Variants in PRIM2 observed in about 807,000 individuals in gnomAD.
PRIM2 encodes DNA primase subunit 2.
Under a neutral mutation model 67.3 loss-of-function variants are expected in PRIM2, and 39 were observed. That is an observed-to-expected ratio of 0.58 (90% CI 0.45 to 0.76). The LOEUF (loss-of-function observed/expected upper bound fraction) is 0.76. Among genes scored for constraint, PRIM2 ranks in the 30% least tolerant of loss-of-function variants. The pLI, the probability that PRIM2 is intolerant of heterozygous loss-of-function variation, is 0.00. For synonymous variants in PRIM2, 143 were observed against 198.7 expected (o/e 0.72, Z 2.36); for missense variants, 398 against 598.7 (o/e 0.66, Z 3.50).
At chr6:57,575,702 CT>C (rs1284972517) in intron 10 of PRIM2, among the ~76,000 whole-genome samples, 34 of 151,358 alleles carry the variant, frequency 2.2e-4, no homozygotes, top group African/African-American at 3.9e-4. Context: ...TTTAATTAAT[CT>C]TTTTTTTTCT....
At chr6:57,503,139 T>G (rs1554347031) in intron 7 of PRIM2, among the ~76,000 whole-genome samples, 7 of 152,280 alleles carry the variant, frequency 4.6e-5, no homozygotes, top group African/African-American at 1.7e-4. Flanking sequence ...CCATACCATG[T>G]GCTGTTCTAA....
At chr6:57,448,378 G>T in intron 7 of PRIM2, among the ~76,000 whole-genome samples, 1 of 152,162 alleles carries the variant, frequency 6.6e-6, no homozygotes, top group Non-Finnish European at 1.5e-5. Flanking sequence ...GGGGGAGGCA[G>T]TTCAAAGGAA....
intron 7 of PRIM2, among the ~76,000 whole-genome samples, chr6:57,397,700 G>C (rs1770564782): frequency 6.6e-6 from 1 of 151,818 alleles, no homozygotes; most frequent in Non-Finnish European, 1.5e-5. Context: ...TGGATCCATT[G>C]CTGGTGAACT....
chr6:57,237,679 T>G, the PRIM2 span, among the ~76,000 whole-genome samples: 5 of 152,194 alleles, frequency 3.3e-5, no homozygotes, highest in Middle Eastern at 3.2e-3. Context: ...GGGAATCCTT[T>G]CCCCATTTCT....
chr6:57,442,529 A>T (rs1772233207), intron 7 of PRIM2, among the ~76,000 whole-genome samples: 1 of 151,708 alleles, frequency 6.6e-6, no homozygotes, highest in Non-Finnish European at 1.5e-5. Context: ...GTCAGGAAGC[A>T]TTTTTTTTCT....
intron 10 of PRIM2, among the ~76,000 whole-genome samples, chr6:57,546,542 AT>A (rs1654975315): frequency 6.6e-6 from 1 of 152,028 alleles, no homozygotes; most frequent in African/African-American, 2.4e-5. Flanking sequence ...TATTTTCTTT[AT>A]TTTTATAATT....
chr6:57,518,184 C>T (rs1554348442), intron 8 of PRIM2, among the ~76,000 whole-genome samples: 25 of 152,146 alleles, frequency 1.6e-4, no homozygotes, highest in African/African-American at 5.8e-4. Context: ...CTTTTAGTAG[C>T]GGTATCTTGG....
the PRIM2 span, among the ~76,000 whole-genome samples, chr6:57,286,039 A>G: frequency 2.0e-5 from 3 of 152,200 alleles, no homozygotes; most frequent in African/African-American, 7.2e-5. Flanking sequence ...ACCTAGGAAT[A>G]CAAGTTACCA....
chr6:57,240,205 G>A, the PRIM2 span, among the ~76,000 whole-genome samples: 1 of 148,968 alleles, frequency 6.7e-6, no homozygotes, highest in African/African-American at 2.5e-5. Flanking sequence ...GGGTTCAAGC[G>A]ATTCTCCTGC....
chr6:57,269,695 G>A, the PRIM2 span, among the ~76,000 whole-genome samples: 19,417 of 151,312 alleles, frequency 0.13, 1,334 homozygotes, highest in East Asian at 0.2. Context: ...TTAGACATGA[G>A]GTCCTTGCCC....
At chr6:57,278,135 T>G in the PRIM2 span, among the ~76,000 whole-genome samples, 1,373 of 152,046 alleles carry the variant, frequency 9.0e-3, 26 homozygotes, top group African/African-American at 0.032. Flanking sequence ...GAGACCATCC[T>G]GGCCAACATG....
intron 10 of PRIM2, among the ~76,000 whole-genome samples, chr6:57,586,737 T>A (rs1458880556): frequency 6.6e-6 from 1 of 152,150 alleles, no homozygotes; most frequent in East Asian, 1.9e-4. Context: ...TGGGAAGTGG[T>A]GACTAGTCCA....
At chr6:57,361,137 A>G (rs1012578332) in intron 5 of PRIM2, among the ~76,000 whole-genome samples, 1 of 152,160 alleles carries the variant, frequency 6.6e-6, no homozygotes, top group Non-Finnish European at 1.5e-5. Context: ...AGGAGCTCTT[A>G]TATTGTATTT....
Position 57,569,004 on chromosome 6 carries a change from G to A in PRIM2, c.1020+31379G>A, listed in dbSNP as rs1775804906. ...TTTTCTATAAGTGTAAGTTCTTTCT[G>A]AACTTCAGATTGCTATTGCACCAAA... On this transcript the variant is annotated intron_variant, in intron 10 of 13. Coordinates refer to ENST00000615550, the MANE Select transcript of PRIM2 (RefSeq NM_000947.5). 2.0e-5 allele frequency among the ~76,000 whole-genome samples: 3 copies of A among 152,352 alleles called. No homozygotes were observed. The South Asian group carries it at 6.2e-4, about 32-fold the overall frequency.
intron 13 of PRIM2, among the ~76,000 whole-genome samples, chr6:57,645,131 A>G (rs1463361440): frequency 6.6e-6 from 1 of 152,194 alleles, no homozygotes; most frequent in Non-Finnish European, 1.5e-5. Context: ...TGCCAGACTT[A>G]CAAGTCAGCT....
intron 10 of PRIM2, among the ~76,000 whole-genome samples, chr6:57,559,875 G>A (rs1359876421): frequency 1.3e-5 from 2 of 151,988 alleles, no homozygotes; most frequent in Non-Finnish European, 2.9e-5. Context: ...TGAGCCTTTG[G>A]TGAGTTGTAA....
intron 10 of PRIM2, among the ~76,000 whole-genome samples, chr6:57,541,973 G>T (rs1235917973): frequency 4.8e-4 from 55 of 114,712 alleles, no homozygotes; most frequent in South Asian, 1.3e-3. Flanking sequence ...TTGTGTTTTG[G>T]TTTTTTTTTT....
chr6:57,401,034 T>C (rs892245410), intron 7 of PRIM2, among the ~76,000 whole-genome samples: 3 of 152,184 alleles, frequency 2.0e-5, no homozygotes, highest in Admixed American at 1.3e-4. Flanking sequence ...TTCTTAGTTT[T>C]CTTGGATTGG....
intron 13 of PRIM2, among the ~76,000 whole-genome samples, chr6:57,641,581 A>AGAC (rs1777234276): frequency 1.3e-5 from 2 of 152,244 alleles, no homozygotes; most frequent in African/African-American, 4.8e-5. Context: ...GGATATGAAC[A>AGAC]GACACTTCGC....
Sources: allele counts gnomAD v4.1 joint callset (sites outside exome capture counted in the v4.1 genomes callset), GRCh38; gene constraint gnomAD v4.1.1; transcripts MANE v1.5; gene names NCBI Gene and HGNC (gene_info 2026-07-23, HGNC 2026-07-21).